Variants in MPDZ observed in about 807,000 individuals in gnomAD.
The protein encoded by MPDZ is multiple PDZ domain protein.
Under a neutral mutation model 239.1 loss-of-function variants are expected in MPDZ, and 234 were observed. The observed-to-expected ratio is 0.98, with a 90% CI of 0.88 to 1.09. The LOEUF (loss-of-function observed/expected upper bound fraction) is 1.09, where lower values mean the gene tolerates loss of function less well. Ranked by LOEUF, MPDZ falls within the 50% of genes least tolerant of loss-of-function variation. The pLI, the probability that MPDZ is intolerant of heterozygous loss-of-function variation, is 0.00. For missense variants in MPDZ, 3,175 were observed against 2,510.0 expected (o/e 1.26, Z -5.66); for synonymous variants, 1,048 against 881.3 (o/e 1.19, Z -3.35).
At chr9:13,168,687 AAGC>A in intron 21 of MPDZ, 123 bp from the exon 22 acceptor site, 1 of 771,230 alleles carries the variant, frequency 1.3e-6, no homozygotes, top group African/African-American at 1.8e-5. Flanking sequence ...AGTCAATAAA[AAGC>A]ATAGCAAAAA....
At chr9:13,208,591 T>C (rs949039383) in intron 10 of MPDZ, among the ~76,000 whole-genome samples, 1 of 151,204 alleles carries the variant, frequency 6.6e-6, no homozygotes, top group Non-Finnish European at 1.5e-5. Context: ...AATATGTGTA[T>C]ATGTAGGTGT....
chr9:13,279,299 A>ACCGCCGCCCCC (rs1564192602), intron 1 of MPDZ, 101 bp downstream of exon 1: 1 of 113,994 alleles, frequency 8.8e-6, no homozygotes, highest in Non-Finnish European at 1.9e-5. Flanking sequence ...CCCCACCCCC[A>ACCGCCGCCCCC]AGCGCCGAGC....
At chr9:13,120,660 A>C (rs940907582) in intron 38 of MPDZ, 4 of 152,236 alleles carry the variant, frequency 2.6e-5, no homozygotes, top group Admixed American at 2.0e-4. Flanking sequence ...GTCTCTGAGA[A>C]ACAAAATGGT....
chr9:13,165,763 G>A (rs908427683), intron 22 of MPDZ, among the ~76,000 whole-genome samples: 1 of 152,100 alleles, frequency 6.6e-6, no homozygotes, highest in African/African-American at 2.4e-5. Flanking sequence ...ACAAAACCCT[G>A]GCTATTATTA....
intron 1 of MPDZ, among the ~76,000 whole-genome samples, chr9:13,255,460 T>A (rs994200100): frequency 1.3e-5 from 2 of 152,240 alleles, no homozygotes; most frequent in Admixed American, 6.5e-5. Context: ...TGCCCTAATG[T>A]AGCAGAGGAA....
chr9:13,212,526 G>C (rs1234889663), intron 10 of MPDZ, among the ~76,000 whole-genome samples: 1 of 151,886 alleles, frequency 6.6e-6, no homozygotes, highest in Non-Finnish European at 1.5e-5. Context: ...ATGAGCCAAA[G>C]TCACGAAGCC....
rs181998041 is a variant in MPDZ, at chr9:13,143,493, A to T, written c.3813T>A (p.Ala1271=). ...KYNFSSTNPF[A]DSLQINADKA... ...TGTCGGCGTTGATTTGTAGAGAGTC[A>T]GCAAATGGGTTAGTGCTGCTGAAGT... The change falls in exon 27 of 47, where the codon GCT becomes GCA. Residue 1271 remains alanine, a synonymous_variant. Coordinates refer to ENST00000319217, the MANE Select transcript of MPDZ (RefSeq NM_001378778.1). 410 of 1,612,864 alleles carry T rather than the reference A, an allele frequency of 2.5e-4. 1 individual carries two copies. In the East Asian group the frequency reaches 8.7e-3, roughly 34 times the overall value.
chr9:13,246,314 C>T (rs1048304806), intron 3 of MPDZ, among the ~76,000 whole-genome samples: 4 of 152,038 alleles, frequency 2.6e-5, no homozygotes, highest in Non-Finnish European at 2.9e-5. Context: ...TGGTGGCAGG[C>T]ACCTATAATC....
At position 13,247,543 on chromosome 9, in the gene MPDZ, C is replaced by A. The variant is rs1588095365; in HGVS notation, c.183+92G>T. Reference sequence around the variant, plus strand: ...AATGACTTCATTAACTATTCATTAACACATAGAAAAATCAGCCTTTCAGAA... The same window carrying A: ...AATGACTTCATTAACTATTCATTAAAACATAGAAAAATCAGCCTTTCAGAA... On this transcript the variant is annotated intron_variant, in intron 3 of 46. Coordinates refer to ENST00000319217, the MANE Select transcript of MPDZ (RefSeq NM_001378778.1). 13 of 1,381,074 alleles carry A rather than the reference C, an allele frequency of 9.4e-6. No homozygotes were observed. The South Asian group carries it at 1.7e-4, about 18-fold the overall frequency. The allele number at this position is 1,381,074 out of a possible 1,614,324, so 85.6% of individuals were successfully genotyped here. A position where few individuals can be genotyped will look rare whatever the true frequency, so the allele number is the denominator to read the frequency against.
At chr9:13,260,212 G>C (rs1055172717) in intron 1 of MPDZ, among the ~76,000 whole-genome samples, 41 of 152,030 alleles carry the variant, frequency 2.7e-4, no homozygotes, top group Non-Finnish European at 1.6e-4. Flanking sequence ...TCTGGCAATG[G>C]TATGGAGGAC....
At chr9:13,223,071 T>TA (rs1959270408) in intron 5 of MPDZ, among the ~76,000 whole-genome samples, 1 of 152,102 alleles carries the variant, frequency 6.6e-6, no homozygotes, top group African/African-American at 2.4e-5. Context: ...AAAGATGATT[T>TA]AAAATATATG....
chr9:13,209,132 T>C (rs1360774758), intron 10 of MPDZ, among the ~76,000 whole-genome samples: 3 of 152,040 alleles, frequency 2.0e-5, no homozygotes, highest in African/African-American at 7.2e-5. Context: ...AAACACCCTC[T>C]CATTAAGTGA....
At chr9:13,203,788 A>G (rs1247029038) in intron 12 of MPDZ, among the ~76,000 whole-genome samples, 1 of 151,918 alleles carries the variant, frequency 6.6e-6, no homozygotes, top group Admixed American at 6.6e-5. Flanking sequence ...AGAGAAAGAG[A>G]GAGAGAGAGG....
In MPDZ at chr9:13,247,692, G is replaced by C; in HGVS notation, c.126C>G (p.Ser42Arg). ...KLSLLKSVLQ[S>R]PLFSQILSLQ... ...GGCTCAGAATCTGACTGAAGAGAGG[G>C]CTCTGCAGGACTGACTTCAGAAGGC... Residue 42 changes from serine (S) to arginine (R), a missense_variant, in exon 3 of 47, where the codon AGC becomes AGG. Transcript: ENST00000319217. 6.2e-7 allele frequency: 1 copy of C among 1,613,386 alleles called. No individual in the cohort carries two copies. The highest frequency in any genetic ancestry group is 8.5e-7 in the Non-Finnish European group (1 of 1,179,520).
chr9:13,233,762 T>A (rs986915597), intron 3 of MPDZ, among the ~76,000 whole-genome samples: 9 of 152,186 alleles, frequency 5.9e-5, no homozygotes, highest in African/African-American at 2.2e-4. Context: ...ACAGCCTGTA[T>A]ACATAAAGCT....
rs190582394 is a variant in MPDZ, at chr9:13,151,183, G to A, written c.3453-495C>T. On this transcript the variant is annotated intron_variant, in intron 24 of 46. Coordinates refer to ENST00000319217, the MANE Select transcript of MPDZ (RefSeq NM_001378778.1). ...ACACAAATTAACAAGAATGCAGAGC[G>A]TGTGAAACCCTTGTGTACTGTTGGT... Among the ~76,000 whole-genome samples the A allele has an allele frequency of 6.2e-4, 95 of 152,056 alleles. No individual in the cohort carries two copies. The South Asian group carries it at 6.9e-3, about 11-fold the overall frequency.
chr9:13,184,133 G>C (rs1363323952), intron 18 of MPDZ, among the ~76,000 whole-genome samples: 1 of 151,908 alleles, frequency 6.6e-6, no homozygotes, highest in Non-Finnish European at 1.5e-5. Context: ...TAACAAACAA[G>C]GGGCCTAATT....
chr9:13,123,021 T>C (rs1020121223), intron 36 of MPDZ, 132 bp downstream of exon 36: 2 of 975,576 alleles, frequency 2.1e-6, no homozygotes, highest in South Asian at 2.7e-5. Flanking sequence ...GCCCTATAAA[T>C]TAAAATAACA....
chr9:13,164,884 C>T (rs1435867367), intron 22 of MPDZ, among the ~76,000 whole-genome samples: 1 of 152,206 alleles, frequency 6.6e-6, no homozygotes, highest in Admixed American at 6.6e-5. Flanking sequence ...TCCAAATCGC[C>T]AGCAAAAATG....
Sources: gnomAD v4.1 joint callset for allele counts (sites outside exome capture counted in the v4.1 genomes callset) on GRCh38, gnomAD v4.1.1 for gene constraint, MANE v1.5 for transcripts, NCBI Gene and HGNC (gene_info 2026-07-23, HGNC 2026-07-21) for gene names.